ERC2: variants seen among roughly 807,000 people sequenced by gnomAD.
ERC2 encodes the protein ELKS/RAB6-interacting/CAST family member 2.
In ERC2, 42 loss-of-function variants were observed where a neutral mutation model predicts 114.8. That is an observed-to-expected ratio of 0.37 (90% CI 0.29 to 0.47). The LOEUF (loss-of-function observed/expected upper bound fraction) is 0.47, where lower values mean the gene tolerates loss of function less well. Among genes scored for constraint, ERC2 ranks in the 20% least tolerant of loss-of-function variants. ERC2 has a pLI of 0.99. For synonymous variants in ERC2, 454 were observed against 425.5 expected, an observed-to-expected ratio of 1.07 and a Z score of -0.82; for missense variants, 939 against 1,150.7, an observed-to-expected ratio of 0.82 and a Z score of 2.66.
intron 3 of ERC2, among the ~76,000 whole-genome samples, chr3:56,254,724 G>T (rs1379014529): frequency 6.6e-6 from 1 of 152,190 alleles, no homozygotes; most frequent in Non-Finnish European, 1.5e-5. Context: ...CCTTGGACAA[G>T]TAAGCTAATT....
chr3:56,372,180 G>A (rs1224968353), intron 2 of ERC2, among the ~76,000 whole-genome samples: 1 of 152,204 alleles, frequency 6.6e-6, no homozygotes, highest in Non-Finnish European at 1.5e-5. Context: ...AGTCCAAACA[G>A]GGAGAGCCCT....
chr3:56,052,377 G>T (rs760641406), intron 7 of ERC2, among the ~76,000 whole-genome samples: 4 of 152,226 alleles, frequency 2.6e-5, no homozygotes, highest in African/African-American at 4.8e-5. Flanking sequence ...ATGCTAATGC[G>T]CAGGGTCAGC....
chr3:55,531,297 TGATGCAACCCTC>T (rs1030862625), intron 17 of ERC2, among the ~76,000 whole-genome samples: 1 of 152,132 alleles, frequency 6.6e-6, no homozygotes, highest in African/African-American at 2.4e-5. Flanking sequence ...TGGAATGAAT[TGATGCAACCCTC>T]AAGTCACAAG....
At chr3:55,744,157 C>A (rs981433401) in intron 14 of ERC2, among the ~76,000 whole-genome samples, 1 of 152,266 alleles carries the variant, frequency 6.6e-6, no homozygotes, top group Non-Finnish European at 1.5e-5. Context: ...AATCCCAGCA[C>A]TTTGGGAGGC....
Position 55,510,579 on chromosome 3 carries a change from G to T in ERC2, c.*737C>A, listed in dbSNP as rs185499507. 6.6e-6 allele frequency: 1 copy of T among 152,604 alleles called. No homozygotes were observed. Among genetic ancestry groups the T allele is most frequent in the Non-Finnish European group, 1.5e-5 (1 of 68,048 alleles). 9.5% of individuals were successfully genotyped at this position (152,604 alleles called of 1,614,324 possible). On this transcript the variant is annotated 3_prime_UTR_variant, in exon 18 of 18. Transcript: ENST00000288221. ...GACACACACCATGTTCTCATAAGGC[G>T]ATTTCTTGGCAAGCATTAGTGGTTT...
At chr3:55,986,577 C>G (rs1027181832) in intron 11 of ERC2, among the ~76,000 whole-genome samples, 3 of 152,100 alleles carry the variant, frequency 2.0e-5, no homozygotes, top group African/African-American at 7.2e-5. Flanking sequence ...TGATCAAAGA[C>G]CCCCTGAGGA....
In ERC2 at chr3:56,032,977, G is replaced by GAAAGAGAAAGAA. The variant is rs767054115; in HGVS notation, c.1642-13947_1642-13946insTTCTTTCTCTTT. ...AAAGAAACAGAAAGAAAGAAAGAAAGAGAAAGAAAGAAAGAAAGAAAGAAA... is the reference window on the plus strand; with the variant it reads ...AAAGAAACAGAAAGAAAGAAAGAAAGAAAGAGAAAGAAAGAAAGAAAGAAAGAAAGAAAGAAA... On this transcript the variant is annotated intron_variant, in intron 7 of 17. Coordinates refer to ENST00000288221, the MANE Select transcript of ERC2 (RefSeq NM_015576.3). Among the ~76,000 whole-genome samples the GAAAGAGAAAGAA allele has an allele frequency of 1.7e-3, 78 of 45,456 alleles. 9 individuals are homozygous for GAAAGAGAAAGAA. The East Asian group carries it at 0.017, about 10-fold the overall frequency. The allele number at this position is 45,456 out of a possible 152,430, so 29.8% of individuals were successfully genotyped here.
chr3:56,320,497 T>C (rs925120905), intron 2 of ERC2, among the ~76,000 whole-genome samples: 3 of 152,226 alleles, frequency 2.0e-5, no homozygotes. Context: ...GGAATTTTGC[T>C]AGTCTGTAGA....
intron 17 of ERC2, among the ~76,000 whole-genome samples, chr3:55,529,589 C>T (rs1034277399): frequency 5.3e-5 from 8 of 152,130 alleles, no homozygotes; most frequent in Non-Finnish European, 7.4e-5. Context: ...TTTATAATCA[C>T]CCTGAAAAAA....
intron 15 of ERC2, among the ~76,000 whole-genome samples, chr3:55,729,913 G>C (rs2065152947): frequency 7.0e-6 from 1 of 143,716 alleles, no homozygotes. Context: ...GGTCACTGAT[G>C]TATTCCATGC....
At chr3:55,969,141 A>G (rs542611126) in intron 12 of ERC2, among the ~76,000 whole-genome samples, 135 of 152,300 alleles carry the variant, frequency 8.9e-4, no homozygotes, top group East Asian at 2.5e-3. Flanking sequence ...AAAGCTAAGT[A>G]GCTGTCTTAA....
chr3:56,308,618 T>TATGAGCTC (rs911329647), intron 2 of ERC2, among the ~76,000 whole-genome samples: 107 of 152,246 alleles, frequency 7.0e-4, no homozygotes, highest in African/African-American at 2.4e-3. Flanking sequence ...ACATGGAAAA[T>TATGAGCTC]ATGAGCTCCT....
intron 13 of ERC2, among the ~76,000 whole-genome samples, chr3:55,945,370 A>C (rs1390909738): frequency 6.6e-6 from 1 of 152,232 alleles, no homozygotes; most frequent in Non-Finnish European, 1.5e-5. Context: ...ATCACATTTA[A>C]AGTAACAATT....
intron 7 of ERC2, among the ~76,000 whole-genome samples, chr3:56,072,793 T>C (rs1050168519): frequency 6.6e-5 from 10 of 152,192 alleles, no homozygotes; most frequent in Admixed American, 2.6e-4. Context: ...GCCAAAGAAA[T>C]TTAAACTGAG....
chr3:55,781,717 A>G (rs1447581140), intron 14 of ERC2, among the ~76,000 whole-genome samples: 1 of 151,698 alleles, frequency 6.6e-6, no homozygotes, highest in East Asian at 2.0e-4. Context: ...CTAAAAATAC[A>G]AAAAATTAGC....
At position 55,790,060 on chromosome 3, in the gene ERC2, C is replaced by G. The variant is rs184586607; in HGVS notation, c.2565-55142G>C. Among the ~76,000 whole-genome samples the G allele has an allele frequency of 3.3e-5, 5 of 152,278 alleles. No homozygotes were observed. The East Asian group carries it at 9.7e-4, about 29-fold the overall frequency. On this transcript the variant is annotated intron_variant, in intron 14 of 17. Coordinates refer to ENST00000288221, the MANE Select transcript of ERC2 (RefSeq NM_015576.3). ...TGAACTGAAGTCTAAAGGCTCTCCCCCAAACATGAACCTGATCCTGATACA... is the reference window on the plus strand; with the variant it reads ...TGAACTGAAGTCTAAAGGCTCTCCCGCAAACATGAACCTGATCCTGATACA...
intron 14 of ERC2, among the ~76,000 whole-genome samples, chr3:55,738,715 T>C (rs539854302): frequency 7.4e-4 from 112 of 152,284 alleles, no homozygotes; most frequent in African/African-American, 2.5e-3. Flanking sequence ...TTTGAGATTA[T>C]ATAGCTTTAA....
At chr3:56,412,943 T>C (rs2060999003) in intron 2 of ERC2, among the ~76,000 whole-genome samples, 1 of 152,210 alleles carries the variant, frequency 6.6e-6, no homozygotes, top group Admixed American at 6.5e-5. Flanking sequence ...CGGGTGCACA[T>C]TTGTGACAAA....
At chr3:56,305,364 A>G (rs1429718765) in intron 2 of ERC2, among the ~76,000 whole-genome samples, 1 of 152,192 alleles carries the variant, frequency 6.6e-6, no homozygotes, top group Non-Finnish European at 1.5e-5. Context: ...AAAAATGCAC[A>G]AAAGAAATGA....
Sources: allele counts gnomAD v4.1 joint callset (sites outside exome capture counted in the v4.1 genomes callset), GRCh38; gene constraint gnomAD v4.1.1; transcripts MANE v1.5; gene names NCBI Gene and HGNC (gene_info 2026-07-23, HGNC 2026-07-21).